Variants in STK3 observed in about 807,000 individuals in gnomAD.
STK3 encodes serine/threonine-protein kinase 3.
In STK3, 41 loss-of-function variants were observed where a neutral mutation model predicts 58.0. The ratio of observed to expected loss-of-function variants is 0.71; its 90% CI spans 0.55 to 0.92. STK3 has a LOEUF of 0.92. Among genes scored for constraint, STK3 ranks in the 40% least tolerant of loss-of-function variants. The pLI, the probability that STK3 is intolerant of heterozygous loss-of-function variation, is 0.00. For synonymous variants in STK3, 170 were observed against 191.0 expected (o/e 0.89, Z 0.91); for missense variants, 479 against 602.7 (o/e 0.79, Z 2.15).
intron 10 of STK3, among the ~76,000 whole-genome samples, chr8:98,487,665 A>G (rs1224198798): frequency 6.6e-6 from 1 of 152,228 alleles, no homozygotes; most frequent in East Asian, 1.9e-4. Flanking sequence ...ATTTTTAACT[A>G]AAAATGAAGT....
At chr8:98,583,528 T>C (rs556905817) in intron 7 of STK3, among the ~76,000 whole-genome samples, 3 of 152,134 alleles carry the variant, frequency 2.0e-5, no homozygotes, top group African/African-American at 7.2e-5. Context: ...TCATGGGAAA[T>C]AGCAGCCCAG....
chr8:98,903,550 C>CT (rs1838756919), intron 1 of STK3, among the ~76,000 whole-genome samples: 1 of 18,416 alleles, frequency 5.4e-5, no homozygotes, highest in African/African-American at 2.3e-4. Context: ...TCTTCTTCTT[C>CT]TTCTTCCTTT....
At chr8:98,900,829 T>C (rs1054497707) in intron 1 of STK3, among the ~76,000 whole-genome samples, 3 of 151,856 alleles carry the variant, frequency 2.0e-5, no homozygotes, top group Non-Finnish European at 4.4e-5. Flanking sequence ...ACCAAGCTAA[T>C]TTTTGTATTT....
chr8:98,365,887 C>G, the STK3 span, among the ~76,000 whole-genome samples: 31 of 152,258 alleles, frequency 2.0e-4, no homozygotes, highest in African/African-American at 7.5e-4. Context: ...AGTTGCTGTA[C>G]AGTAATTCAT....
At chr8:98,453,679 GATTGA>G (rs1378821588), downstream of STK3, among the ~76,000 whole-genome samples, 1 of 152,204 alleles carries the variant, frequency 6.6e-6, no homozygotes, top group African/African-American at 2.4e-5. Flanking sequence ...GGACTCTCGA[GATTGA>G]ATTAAGAGTG....
intron 6 of STK3, among the ~76,000 whole-genome samples, chr8:98,605,511 A>T (rs1032739350): frequency 7.5e-5 from 11 of 145,860 alleles, no homozygotes; most frequent in African/African-American, 2.8e-4. Flanking sequence ...ATCTCGGCTC[A>T]CTGCAACATC....
chr8:98,926,930 G>A (rs1174256847), intron 1 of STK3, among the ~76,000 whole-genome samples: 2 of 152,206 alleles, frequency 1.3e-5, no homozygotes, highest in Non-Finnish European at 2.9e-5. Context: ...GTTGTGTGGT[G>A]ACAGTGAGAA....
At chr8:98,678,218 C>A (rs1587268193) in intron 6 of STK3, among the ~76,000 whole-genome samples, 1 of 152,044 alleles carries the variant, frequency 6.6e-6, no homozygotes, top group Non-Finnish European at 1.5e-5. Context: ...AATTAAATAT[C>A]AGTTTCTTAA....
intron 6 of STK3, among the ~76,000 whole-genome samples, chr8:98,647,685 C>T (rs142725075): frequency 5.9e-5 from 9 of 152,208 alleles, no homozygotes; most frequent in Non-Finnish European, 1.2e-4. Context: ...TTCTGTATTT[C>T]TTTGTAGAGA....
chr8:98,940,059 C>CAA (rs1840348585), intron 1 of STK3, among the ~76,000 whole-genome samples: 1 of 152,252 alleles, frequency 6.6e-6, no homozygotes, highest in Non-Finnish European at 1.5e-5. Context: ...TGCAGGAGAT[C>CAA]CCCTTCCCTG....
At chr8:98,561,228 T>A in intron 8 of STK3, among the ~76,000 whole-genome samples, 1 of 149,300 alleles carries the variant, frequency 6.7e-6, no homozygotes, top group Non-Finnish European at 1.5e-5. Context: ...TTTTTGAAAA[T>A]GACACAAAGG....
intron 6 of STK3, among the ~76,000 whole-genome samples, chr8:98,625,422 C>G (rs998723387): frequency 3.9e-5 from 6 of 152,092 alleles, no homozygotes; most frequent in Non-Finnish European, 7.4e-5. Flanking sequence ...TTCCCTTTTC[C>G]CTCTCCCAGT....
At chr8:98,605,635 GT>G (rs1816714482) in intron 6 of STK3, among the ~76,000 whole-genome samples, 1 of 152,032 alleles carries the variant, frequency 6.6e-6, no homozygotes, top group Non-Finnish European at 1.5e-5. Context: ...GCTGTAGTAA[GT>G]TATCACAAAT....
downstream of STK3, chr8:98,879,151 T>C (rs1421790536): frequency 6.6e-6 from 1 of 152,250 alleles, no homozygotes; most frequent in African/African-American, 2.4e-5. Context: ...AGTATTTTCA[T>C]ATAACCCATG....
chr8:98,818,088 C>T (rs1375900273), intron 1 of STK3, among the ~76,000 whole-genome samples: 1 of 152,224 alleles, frequency 6.6e-6, no homozygotes, highest in Non-Finnish European at 1.5e-5. Context: ...CTTCTCATAG[C>T]TTTCCCCCCT....
chr8:98,394,289 G>A (rs541849476), intron 3 of STK3, among the ~76,000 whole-genome samples: 4 of 152,294 alleles, frequency 2.6e-5, no homozygotes, highest in African/African-American at 7.2e-5. Context: ...GAGCCAGAAA[G>A]ACTATGTAAT....
At chr8:98,427,933 TC>T in intron 3 of STK3, 1 of 1,433,558 alleles carries the variant, frequency 7.0e-7, no homozygotes, top group East Asian at 2.5e-5. Context: ...TCCCTCCGCT[TC>T]CAGGTGTAGC....
At chr8:98,429,269 T>A in intron 3 of STK3, 1 of 1,614,102 alleles carries the variant, frequency 6.2e-7, no homozygotes, top group Non-Finnish European at 8.5e-7. Flanking sequence ...TGCGCAGCTG[T>A]GACTTTGGAG....
chr8:98,495,805 A>C (rs1464674993), intron 10 of STK3, among the ~76,000 whole-genome samples: 2 of 152,202 alleles, frequency 1.3e-5, no homozygotes, highest in African/African-American at 4.8e-5. Context: ...AATATGCTTA[A>C]GTTTTGATAG....
Sources: gnomAD v4.1 joint callset for allele counts (sites outside exome capture counted in the v4.1 genomes callset) on GRCh38, gnomAD v4.1.1 for gene constraint, MANE v1.5 for transcripts, NCBI Gene and HGNC (gene_info 2026-07-23, HGNC 2026-07-21) for gene names.